KCNH8: variants seen among roughly 807,000 people sequenced by gnomAD.
KCNH8 encodes potassium voltage-gated channel subfamily H member 8.
A neutral mutation model predicts 103.6 loss-of-function variants in KCNH8; 70 were observed. The observed-to-expected ratio is 0.68, with a 90% CI of 0.56 to 0.82. KCNH8 has a LOEUF of 0.82. Among genes scored for constraint, KCNH8 ranks in the 40% least tolerant of loss-of-function variants. KCNH8 has a pLI of 0.00. For synonymous variants in KCNH8, 498 were observed against 489.4 expected, an observed-to-expected ratio of 1.02 and a Z score of -0.23; for missense variants, 1,217 against 1,329.9, an observed-to-expected ratio of 0.92 and a Z score of 1.32.
At chr3:19,319,773 C>T (rs1422037344) in intron 3 of KCNH8, among the ~76,000 whole-genome samples, 4 of 152,016 alleles carry the variant, frequency 2.6e-5, no homozygotes, top group African/African-American at 9.7e-5. Flanking sequence ...GTCATTTTCA[C>T]AATATTGATT....
At chr3:19,160,912 G>A (rs540371950) in intron 1 of KCNH8, among the ~76,000 whole-genome samples, 1 of 152,224 alleles carries the variant, frequency 6.6e-6, no homozygotes, top group East Asian at 1.9e-4. Flanking sequence ...GCCCTAAAGC[G>A]CAAGAGTGGT....
intron 3 of KCNH8, among the ~76,000 whole-genome samples, chr3:19,298,693 C>T (rs1016949931): frequency 2.6e-5 from 4 of 151,750 alleles, no homozygotes; most frequent in Non-Finnish European, 5.9e-5. Context: ...GAGTCCGAGG[C>T]GGGCGGATCA....
chr3:19,506,612 C>T (rs553811405), intron 11 of KCNH8, among the ~76,000 whole-genome samples: 2 of 152,086 alleles, frequency 1.3e-5, no homozygotes, highest in South Asian at 4.1e-4. Flanking sequence ...CTGCAGATCT[C>T]GGTTTGGCTC....
intron 1 of KCNH8, among the ~76,000 whole-genome samples, chr3:19,220,801 T>A (rs2063866489): frequency 6.6e-6 from 1 of 152,130 alleles, no homozygotes; most frequent in South Asian, 2.1e-4. Flanking sequence ...CTATCAGTGT[T>A]ATCTACATTA....
intron 11 of KCNH8, among the ~76,000 whole-genome samples, chr3:19,500,365 TAGAC>T (rs1431698466): frequency 6.6e-6 from 1 of 152,042 alleles, no homozygotes; most frequent in Admixed American, 6.6e-5. Flanking sequence ...CTGTCAACAT[TAGAC>T]AGATCAATGA....
At chr3:19,252,380 A>G (rs1367730786) in intron 1 of KCNH8, among the ~76,000 whole-genome samples, 2 of 151,492 alleles carry the variant, frequency 1.3e-5, no homozygotes, top group African/African-American at 4.8e-5. Context: ...TAAATACGTG[A>G]ATAGCACTCT....
chr3:19,216,890 G>A (rs1349137308), intron 1 of KCNH8, among the ~76,000 whole-genome samples: 2 of 152,228 alleles, frequency 1.3e-5, no homozygotes, highest in African/African-American at 4.8e-5. Context: ...GCCAGGAAGG[G>A]TGAGGAAGGA....
chr3:19,510,992 T>A (rs2068773824), intron 12 of KCNH8, among the ~76,000 whole-genome samples: 1 of 151,802 alleles, frequency 6.6e-6, no homozygotes. Context: ...TCAAATAGGG[T>A]TTACTTTTTA....
At chr3:19,450,768 G>T in intron 9 of KCNH8, 1 of 269,254 alleles carries the variant, frequency 3.7e-6, no homozygotes, top group Admixed American at 5.1e-5. Flanking sequence ...CAACCCACCA[G>T]CCAAACCTGT....
intron 1 of KCNH8, among the ~76,000 whole-genome samples, chr3:19,249,224 T>C (rs934034830): frequency 1.3e-5 from 2 of 152,190 alleles, no homozygotes; most frequent in Non-Finnish European, 2.9e-5. Context: ...CTAAAGTAAA[T>C]GTCATGTTTC....
intron 8 of KCNH8, among the ~76,000 whole-genome samples, chr3:19,441,097 C>A (rs1575070195): frequency 6.6e-6 from 1 of 152,236 alleles, no homozygotes; most frequent in East Asian, 1.9e-4. Context: ...TGGAGGCGGG[C>A]ACCTCAGCAG....
chr3:19,349,813 T>A (rs568514979), intron 5 of KCNH8, among the ~76,000 whole-genome samples: 1 of 152,238 alleles, frequency 6.6e-6, no homozygotes, highest in Admixed American at 6.5e-5. Context: ...ACCCCTAAAT[T>A]CTTCTGTGTT....
At chr3:19,211,349 AT>A (rs1255455870) in intron 1 of KCNH8, among the ~76,000 whole-genome samples, 1 of 152,166 alleles carries the variant, frequency 6.6e-6, no homozygotes, top group African/African-American at 2.4e-5. Flanking sequence ...TTGTCTGTTG[AT>A]TGGAATAGTC....
At chr3:19,311,677 T>C (rs1175366813) in intron 3 of KCNH8, among the ~76,000 whole-genome samples, 1 of 151,750 alleles carries the variant, frequency 6.6e-6, no homozygotes, top group African/African-American at 2.4e-5. Context: ...AGGAGTGTTA[T>C]TTGATACAGA....
At chr3:19,488,717 A>C (rs1482521864) in intron 11 of KCNH8, among the ~76,000 whole-genome samples, 1 of 152,068 alleles carries the variant, frequency 6.6e-6, no homozygotes, top group South Asian at 2.1e-4. Context: ...TCCCTCGTTC[A>C]GGTCCCATTG....
At chr3:19,289,464 A>T (rs2064885773) in intron 3 of KCNH8, among the ~76,000 whole-genome samples, 1 of 152,156 alleles carries the variant, frequency 6.6e-6, no homozygotes, top group Admixed American at 6.5e-5. Flanking sequence ...TTTTCCCAGC[A>T]CCATTTATTA....
intron 1 of KCNH8, among the ~76,000 whole-genome samples, chr3:19,196,733 G>T (rs1016529643): frequency 1.3e-5 from 2 of 151,846 alleles, no homozygotes; most frequent in African/African-American, 4.8e-5. Context: ...TCTCCTTTGA[G>T]AATCCAAAAA....
At chr3:19,189,148 C>A (rs1173451837) in intron 1 of KCNH8, among the ~76,000 whole-genome samples, 1 of 152,032 alleles carries the variant, frequency 6.6e-6, no homozygotes, top group Non-Finnish European at 1.5e-5. Flanking sequence ...GAAACAACAA[C>A]AGTTAAGATA....
intron 1 of KCNH8, among the ~76,000 whole-genome samples, chr3:19,208,284 T>C (rs1393554445): frequency 2.6e-5 from 4 of 152,090 alleles, no homozygotes; most frequent in Non-Finnish European, 5.9e-5. Flanking sequence ...TTATTATTTG[T>C]ATTTACTATC....
Sources: gnomAD v4.1 joint callset for allele counts (sites outside exome capture counted in the v4.1 genomes callset) on GRCh38, gnomAD v4.1.1 for gene constraint, MANE v1.5 for transcripts, NCBI Gene and HGNC (gene_info 2026-07-23, HGNC 2026-07-21) for gene names.